The following IFNGR2 variants were observed in gnomAD, a reference collection of about 807,000 sequenced individuals.
IFNGR2 encodes the protein interferon gamma receptor 2.
IFNGR2 carries 15 observed loss-of-function variants against 41.1 expected under a neutral mutation model. That is an observed-to-expected ratio of 0.37 (90% CI 0.24 to 0.56). The LOEUF (loss-of-function observed/expected upper bound fraction) is 0.56, where lower values mean the gene tolerates loss of function less well. Ranked by LOEUF, IFNGR2 falls within the 20% of genes least tolerant of loss-of-function variation. The pLI, the probability that IFNGR2 is intolerant of heterozygous loss-of-function variation, is 0.81. For missense variants in IFNGR2, 362 were observed against 415.7 expected (o/e 0.87, Z 1.12); for synonymous variants, 161 against 171.6 (o/e 0.94, Z 0.48).
chr21:33,437,328 T>C lies in IFNGR2; in HGVS notation c.*366T>C. Reference sequence around the variant, plus strand: ...GAAGACCTGGTCGTCGTCTTGACTTTGGCAAATGAGCCGGAGCCCCTTGGG... The same window carrying C: ...GAAGACCTGGTCGTCGTCTTGACTTCGGCAAATGAGCCGGAGCCCCTTGGG... On this transcript the variant is annotated 3_prime_UTR_variant, in exon 7 of 7. Coordinates refer to ENST00000290219, the MANE Select transcript of IFNGR2 (RefSeq NM_005534.4). 3.9e-6 allele frequency: 1 copy of C among 255,854 alleles called. No individual in the cohort carries two copies. Among genetic ancestry groups the C allele is most frequent in the Non-Finnish European group, 7.7e-6 (1 of 129,628 alleles). 15.8% of individuals were successfully genotyped at this position (255,854 alleles called of 1,614,324 possible). A position where few individuals can be genotyped will look rare whatever the true frequency, so the allele number is the denominator to read the frequency against.
chr21:33,437,225 G>T lies in IFNGR2; in HGVS notation c.*263G>T, dbSNP rs895456971. 13 of 437,250 alleles carry T rather than the reference G, an allele frequency of 3.0e-5. No individual in the cohort carries two copies. Among genetic ancestry groups the T allele is most frequent in the Admixed American group, 1.8e-4 (5 of 27,050 alleles). 27.1% of individuals were successfully genotyped at this position (437,250 alleles called of 1,614,324 possible). A position where few individuals can be genotyped will look rare whatever the true frequency, so the allele number is the denominator to read the frequency against. On this transcript the variant is annotated 3_prime_UTR_variant, in exon 7 of 7. Coordinates refer to ENST00000290219, the MANE Select transcript of IFNGR2 (RefSeq NM_005534.4). ...AAGGCTTCTCTTAAACACTAAAAAG[G>T]CATGTAATTGCTTGTTAGCAAAATG... is the stretch of plus-strand genomic sequence containing the variant.
intron 4 of IFNGR2, among the ~76,000 whole-genome samples, chr21:33,429,977 A>G (rs1209787004): frequency 1.3e-5 from 2 of 152,152 alleles, no homozygotes; most frequent in Non-Finnish European, 2.9e-5. Flanking sequence ...CATCTCTACT[A>G]AAAATACAAA....
intron 6 of IFNGR2, among the ~76,000 whole-genome samples, chr21:33,434,491 T>C (rs1046658330): frequency 6.6e-6 from 1 of 152,066 alleles, no homozygotes; most frequent in Admixed American, 6.6e-5. Context: ...CATAGCACTT[T>C]AGCTTGGGTG....
intron 2 of IFNGR2, 146 bp from the exon 3 acceptor site, chr21:33,421,334 A>AC: frequency 4.1e-6 from 2 of 486,408 alleles, no homozygotes; most frequent in East Asian, 7.1e-5. Context: ...TCCATCTCAA[A>AC]AAAAAAAAAA....
intron 2 of IFNGR2, 147 bp from the exon 3 acceptor site, chr21:33,421,333 A>AG (rs1178940941): frequency 7.1e-5 from 24 of 336,688 alleles, no homozygotes; most frequent in Non-Finnish European, 1.0e-4. Flanking sequence ...CTCCATCTCA[A>AG]AAAAAAAAAA....
intron 3 of IFNGR2, among the ~76,000 whole-genome samples, chr21:33,423,622 T>C (rs1395472559): frequency 6.6e-6 from 1 of 151,614 alleles, no homozygotes; most frequent in African/African-American, 2.4e-5. Context: ...CAGGCTGGCC[T>C]CTAACTCCTG....
In IFNGR2 at chr21:33,428,260, C is replaced by T. The variant is rs373112236; in HGVS notation, c.561+1228C>T. On this transcript the variant is annotated intron_variant, in intron 4 of 6. Coordinates refer to ENST00000290219, the MANE Select transcript of IFNGR2 (RefSeq NM_005534.4). Reference sequence around the variant, plus strand: ...TCTTTTTTTGAGACAGTCTCACTGTCGCCCAGGCTAGAGTACTGTGGTACC... The same window carrying T: ...TCTTTTTTTGAGACAGTCTCACTGTTGCCCAGGCTAGAGTACTGTGGTACC... Among the ~76,000 whole-genome samples, 7 of 149,788 alleles carry T rather than the reference C, an allele frequency of 4.7e-5. No individual in the cohort carries two copies. In the East Asian group the frequency reaches 5.9e-4, roughly 13 times the overall value.
At chr21:33,404,801 C>T (rs2083665701) in intron 1 of IFNGR2, among the ~76,000 whole-genome samples, 1 of 152,190 alleles carries the variant, frequency 6.6e-6, no homozygotes, top group Non-Finnish European at 1.5e-5. Context: ...TAACCTCTGA[C>T]ACCAGCTGAC....
chr21:33,415,072 C>A (rs534742910), intron 2 of IFNGR2, 52 bp downstream of exon 2: 1 of 1,607,822 alleles, frequency 6.2e-7, no homozygotes, highest in Admixed American at 1.7e-5. Flanking sequence ...GGGCATCGTG[C>A]GGAACCCTGG....
At chr21:33,427,813 C>T (rs912601064) in intron 4 of IFNGR2, among the ~76,000 whole-genome samples, 9 of 149,132 alleles carry the variant, frequency 6.0e-5, no homozygotes, top group African/African-American at 1.2e-4. Flanking sequence ...TGGCTCTGGG[C>T]CAGAATTTTA....
intron 1 of IFNGR2, among the ~76,000 whole-genome samples, chr21:33,407,504 G>A (rs749460962): frequency 1.3e-5 from 2 of 152,112 alleles, no homozygotes; most frequent in East Asian, 3.8e-4. Flanking sequence ...CCATTCTTTC[G>A]AACTAGGTTA....
At chr21:33,429,749 A>G (rs1330423019) in intron 4 of IFNGR2, among the ~76,000 whole-genome samples, 1 of 152,244 alleles carries the variant, frequency 6.6e-6, no homozygotes, top group Non-Finnish European at 1.5e-5. Context: ...CCCAGAAGGA[A>G]AACAGATGTT....
chr21:33,406,323 C>T (rs945593757), intron 1 of IFNGR2, among the ~76,000 whole-genome samples: 1 of 148,028 alleles, frequency 6.8e-6, no homozygotes, highest in African/African-American at 2.5e-5. Flanking sequence ...TGCAGTGAGC[C>T]GAAATCATGC....
Position 33,436,924 on chromosome 21 carries a change from C to A in IFNGR2, c.976C>A (p.Pro326Thr), listed in dbSNP as rs778570340. 4.3e-6 allele frequency: 7 copies of A among 1,613,870 alleles called. No homozygotes were observed. In the Admixed American group the frequency reaches 8.3e-5, roughly 19 times the overall value. Residue 326 changes from proline to threonine, a missense_variant, in exon 7 of 7, where the codon CCG becomes ACG. Coordinates refer to ENST00000290219, the MANE Select transcript of IFNGR2 (RefSeq NM_005534.4). ...GGACTCTGTGTCCATTATCTCGTTT[C>A]CGGAAAAGGAGCAAGAAGATGTTCT... ...VWDSVSIISFPEKEQEDVLQT... is the reference protein window; with the variant it reads ...VWDSVSIISFTEKEQEDVLQT...
chr21:33,431,197 T>C (rs886560775), intron 4 of IFNGR2, among the ~76,000 whole-genome samples: 6 of 152,212 alleles, frequency 3.9e-5, no homozygotes, highest in Non-Finnish European at 7.3e-5. Flanking sequence ...TAGAAGCAGG[T>C]TGGGAATGAA....
intron 2 of IFNGR2, 114 bp downstream of exon 2, chr21:33,415,134 G>A: frequency 2.4e-6 from 3 of 1,259,612 alleles, no homozygotes; most frequent in Non-Finnish European, 2.3e-6. Context: ...AAACCCGTGG[G>A]AAACACATCG....
chr21:33,407,915 G>C (rs1028631817), intron 1 of IFNGR2, among the ~76,000 whole-genome samples: 1 of 133,172 alleles, frequency 7.5e-6, no homozygotes, highest in Non-Finnish European at 1.5e-5. Context: ...GAGCTACCAT[G>C]CCTGGCCTAG....
intron 1 of IFNGR2, among the ~76,000 whole-genome samples, chr21:33,414,250 TG>T (rs2074598134): frequency 6.6e-6 from 1 of 152,186 alleles, no homozygotes; most frequent in Non-Finnish European, 1.5e-5. Flanking sequence ...ATTGCGATGC[TG>T]GGGGTCCTTG....
intron 1 of IFNGR2, chr21:33,410,940 C>T (rs1053112921): frequency 2.5e-6 from 3 of 1,209,196 alleles, no homozygotes; most frequent in Non-Finnish European, 3.6e-6. Flanking sequence ...CTGCATCTCA[C>T]AACCACTGCT....
Sources: gnomAD v4.1 joint callset for allele counts (sites outside exome capture counted in the v4.1 genomes callset) on GRCh38, gnomAD v4.1.1 for gene constraint, MANE v1.5 for transcripts, NCBI Gene and HGNC (gene_info 2026-07-23, HGNC 2026-07-21) for gene names.